The following NRAP variants were observed in gnomAD, a reference collection of about 807,000 sequenced individuals.
NRAP encodes the protein nebulin related anchoring protein.
NRAP carries 189 observed loss-of-function variants against 225.9 expected under a neutral mutation model. The ratio of observed to expected loss-of-function variants is 0.84; its 90% CI spans 0.74 to 0.94. The LOEUF is 0.94. Among genes scored for constraint, NRAP ranks in the 40% least tolerant of loss-of-function variants. The probability of loss-of-function intolerance (pLI) is 0.00; values close to 1 mark genes in which losing one functional copy is unlikely to be tolerated. For missense variants in NRAP, 2,176 were observed against 2,168.7 expected, an observed-to-expected ratio of 1.00 and a Z score of -0.07; for synonymous variants, 769 against 790.7, an observed-to-expected ratio of 0.97 and a Z score of 0.46.
rs140454495 is a variant in NRAP at position 113,623,719 on chromosome 10, C to T, written c.2350-83G>A. On this transcript the variant is annotated intron_variant, in intron 22 of 41. Coordinates refer to ENST00000359988, the MANE Select transcript of NRAP (RefSeq NM_198060.4). Reference sequence around the variant, plus strand: ...AGAGCATTTCTCTAGATTCTAATGACGATTCTAGGAAAGCAATACTGATTA... The same window carrying T: ...AGAGCATTTCTCTAGATTCTAATGATGATTCTAGGAAAGCAATACTGATTA... 259 of 871,990 alleles carry T rather than the reference C, an allele frequency of 3.0e-4. 2 individuals are homozygous for T. The African/African-American group carries it at 3.6e-3, about 12-fold the overall frequency. 54.0% of individuals were successfully genotyped at this position (871,990 alleles called of 1,614,324 possible).
Position 113,614,282 on chromosome 10 carries a change from CTCTTTG to C in NRAP, c.3195_3200del (p.Tyr1065_Glu1067delinsTer). ...TCTGTCCTTTCATTTTCTCAAATGCCTCTTTGTATTTGTACTAAAGGGAAAGAGAGC... is the reference window on the plus strand; with the variant it reads ...TCTGTCCTTTCATTTTCTCAAATGCCTATTTGTACTAAAGGGAAAGAGAGC... On this transcript the variant is annotated stop_gained and inframe_deletion, in exon 29 of 42. Coordinates refer to ENST00000359988, the MANE Select transcript of NRAP (RefSeq NM_198060.4). LOFTEE classifies it high-confidence loss of function. 1 of 1,611,168 alleles carries C rather than the reference CTCTTTG, an allele frequency of 6.2e-7. No homozygotes were observed. Among genetic ancestry groups the C allele is most frequent in the East Asian group, 2.2e-5 (1 of 44,868 alleles).
chr10:113,663,576 A>ACAGCTATAACAACACT, intron 1 of NRAP, 130 bp from the exon 2 acceptor site: 4 of 667,794 alleles, frequency 6.0e-6, no homozygotes, highest in Non-Finnish European at 1.0e-5. Flanking sequence ...AAATCCACAC[A>ACAGCTATAACAACACT]CACAGCTATA....
Position 113,633,661 on chromosome 10 carries a change from CT to C in NRAP, c.1527+450del, listed in dbSNP as rs1848697957. The stretch of plus-strand genomic sequence containing the variant: ...GTCTTGACCAGAAATTAAACTTGAA[CT>C]TTGGATGATTGGTGAAACTAAGAAT... On this transcript the variant is annotated intron_variant, in intron 15 of 41. Transcript: ENST00000359988. Among the ~76,000 whole-genome samples the C allele has an allele frequency of 2.6e-5, 4 of 152,156 alleles. No individual in the cohort carries two copies. The South Asian group carries it at 6.2e-4, about 24-fold the overall frequency.
intron 40 of NRAP, 23 bp downstream of exon 40, chr10:113,590,554 AG>A (rs1564688945): frequency 5.0e-6 from 8 of 1,599,824 alleles, no homozygotes; most frequent in Non-Finnish European, 6.0e-6. Context: ...AAGGGCCTCA[AG>A]GGAGTGGGTG....
intron 39 of NRAP, among the ~76,000 whole-genome samples, chr10:113,591,702 A>G (rs896576435): frequency 6.6e-5 from 10 of 152,236 alleles, no homozygotes; most frequent in African/African-American, 2.4e-4. Flanking sequence ...TCATTCCTAC[A>G]TTAATCTGGG....
At chr10:113,618,148 C>CAAAAAA (rs372609403) in intron 25 of NRAP, among the ~76,000 whole-genome samples, 1 of 112,208 alleles carries the variant, frequency 8.9e-6, no homozygotes. Flanking sequence ...GACACTGAAG[C>CAAAAAA]AAAAAAAAAA....
chr10:113,589,745 G>C lies in NRAP; in HGVS notation c.5009C>G (p.Pro1670Arg), dbSNP rs1480437659. Residue 1670 changes from proline (P) to arginine (R), a missense_variant, in exon 41 of 42, where the codon CCT (proline) becomes CGT (arginine). This residue lies in a region of NRAP where 445 missense variants were observed against 426.1 expected (regional missense o/e 1.04). Coordinates refer to ENST00000359988, the MANE Select transcript of NRAP (RefSeq NM_198060.4). ...AGCCATTTCCACTTTGTAGGAGCCA[G>C]GAGGGGTCCAGCCAACACCTCTGGT... is the stretch of plus-strand genomic sequence containing the variant. The part of the protein sequence containing the change: ...NLTRGVGWTP[P>R]GSYKVEMARR... The C allele has an allele frequency of 2.5e-6, 4 of 1,614,206 alleles. No homozygotes were observed. Among genetic ancestry groups the C allele is most frequent in the Non-Finnish European group, 3.4e-6 (4 of 1,180,038 alleles).
rs199875733 is a variant in NRAP, at chr10:113,612,218, G to A, written c.3498+16C>T. The A allele has an allele frequency of 6.2e-6, 10 of 1,610,798 alleles. No individual in the cohort carries two copies. The Admixed American group carries it at 1.5e-4, about 24-fold the overall frequency. On this transcript the variant is annotated intron_variant, in intron 30 of 41. Transcript: ENST00000359988. ...AGAGAAGAAGGGGCCCTGAGAAAGA[G>A]GCCAGGTCTCCTTACCTCACTCTGC... is the stretch of plus-strand genomic sequence containing the variant.
chr10:113,612,120 G>A, intron 30 of NRAP, 114 bp downstream of exon 30: 1 of 780,896 alleles, frequency 1.3e-6, no homozygotes, highest in Non-Finnish European at 2.1e-6. Context: ...ATAAGACTTG[G>A]GTTTAGGATT....
At chr10:113,595,544 TAAAAAAAC>T in intron 38 of NRAP, 71 bp downstream of exon 38, 1 of 877,098 alleles carries the variant, frequency 1.1e-6, no homozygotes, top group Admixed American at 2.1e-5. Flanking sequence ...CTTTTTTTTT[TAAAAAAAC>T]GAAATCCACA....
At chr10:113,622,465 T>C (rs1263771358) in intron 23 of NRAP, among the ~76,000 whole-genome samples, 2 of 152,058 alleles carry the variant, frequency 1.3e-5, no homozygotes, top group Non-Finnish European at 2.9e-5. Context: ...CAAAGTACAA[T>C]TGCTGCTCAT....
At chr10:113,645,149 G>A (rs1429946204) in intron 11 of NRAP, among the ~76,000 whole-genome samples, 1 of 152,210 alleles carries the variant, frequency 6.6e-6, no homozygotes, top group Non-Finnish European at 1.5e-5. Flanking sequence ...AAGAGAACGA[G>A]AGGGGTTTGA....
intron 14 of NRAP, among the ~76,000 whole-genome samples, chr10:113,636,824 T>C (rs1399137908): frequency 2.0e-5 from 3 of 151,914 alleles, no homozygotes; most frequent in South Asian, 2.1e-4. Flanking sequence ...CTCACCAACA[T>C]AGTGAAACCT....
At position 113,650,443 on chromosome 10, in the gene NRAP, T is replaced by G; in HGVS notation, c.778A>C (p.Ser260Arg). The change falls in exon 8 of 42, where the codon AGT becomes CGT. Residue 260 changes from serine (S) to arginine (R), a missense_variant. Around this residue, in one of 3 missense-constraint regions of NRAP, gnomAD observed 1,708 missense variants for 1,695.5 expected, o/e 1.01. Transcript: ENST00000359988. The stretch of plus-strand genomic sequence containing the variant: ...ACATTGTCAAGGACACTTACATCAC[T>G]TGCCAGCTCATTGGCTCTTTTGGCT... Reference protein sequence around the residue: ...QIAKRANELASDVRYHQQYQK... With the variant: ...QIAKRANELARDVRYHQQYQK... 3 of 1,609,828 alleles carry G rather than the reference T, an allele frequency of 1.9e-6. No homozygotes were observed. The highest frequency in any genetic ancestry group is 2.6e-6 in the Non-Finnish European group (3 of 1,176,008).
intron 14 of NRAP, among the ~76,000 whole-genome samples, chr10:113,639,091 C>CAAAAAAAAAAAAAAAA (rs60509891): frequency 8.6e-6 from 1 of 115,818 alleles, no homozygotes; most frequent in Non-Finnish European, 1.8e-5. Context: ...ATGTATATAG[C>CAAAAAAAAAAAAAAAA]AAAAAAAAAA....
At chr10:113,643,405 C>G (rs1322797184) in intron 11 of NRAP, among the ~76,000 whole-genome samples, 1 of 152,196 alleles carries the variant, frequency 6.6e-6, no homozygotes, top group Non-Finnish European at 1.5e-5. Context: ...AGGAGGATGT[C>G]TGGTCGTATT....
At chr10:113,596,292 T>G (rs936415261) in intron 37 of NRAP, among the ~76,000 whole-genome samples, 3 of 152,248 alleles carry the variant, frequency 2.0e-5, no homozygotes, top group African/African-American at 7.2e-5. Context: ...AGCAGTGATT[T>G]AAGAATTACA....
In NRAP at chr10:113,626,058, G is replaced by T; in HGVS notation, c.2233C>A (p.Leu745Ile). 1.2e-6 allele frequency: 2 copies of T among 1,611,138 alleles called. No homozygotes were observed. The highest frequency in any genetic ancestry group is 1.3e-5 in the African/African-American group (1 of 75,008). ...QMEHAKKSQE[L>I]QSGVAYKAGN... Reference sequence around the variant, plus strand: ...AGCCCAGGACTCACCCCGCTCTGTAGCTCCTGGCTCTTCTTGGCGTGCTCC... The same window carrying T: ...AGCCCAGGACTCACCCCGCTCTGTATCTCCTGGCTCTTCTTGGCGTGCTCC... Residue 745 changes from leucine to isoleucine, a missense_variant, in exon 21 of 42, where the codon CTA becomes ATA. Physicochemically the swap from Leu to Ile is conservative, Grantham distance 5. Around this residue, in one of 3 missense-constraint regions of NRAP, gnomAD observed 1,708 missense variants for 1,695.5 expected, o/e 1.01. Coordinates refer to ENST00000359988, the MANE Select transcript of NRAP (RefSeq NM_198060.4).
intron 9 of NRAP, among the ~76,000 whole-genome samples, chr10:113,649,666 T>G (rs1488869488): frequency 6.6e-6 from 1 of 152,226 alleles, no homozygotes; most frequent in East Asian, 1.9e-4. Flanking sequence ...ATGCTCAATA[T>G]TTTTCAAGAT....
Sources: allele counts gnomAD v4.1 joint callset (sites outside exome capture counted in the v4.1 genomes callset), GRCh38; gene constraint gnomAD v4.1.1; regional missense constraint gnomAD v4.1.1; transcripts MANE v1.5; gene names NCBI Gene and HGNC (gene_info 2026-07-23, HGNC 2026-07-21).